NRG1: variants seen among roughly 807,000 people sequenced by gnomAD.
The protein encoded by NRG1 is pro-neuregulin-1, membrane-bound isoform.
NRG1 carries 18 observed loss-of-function variants against 63.8 expected under a neutral mutation model. The observed-to-expected ratio is 0.28, with a 90% confidence interval of 0.19 to 0.42. The LOEUF (loss-of-function observed/expected upper bound fraction) is 0.42. NRG1 is among the 10% of genes least tolerant of loss of function. The pLI, the probability that NRG1 is intolerant of heterozygous loss-of-function variation, is 1.00. For missense variants in NRG1, 762 were observed against 814.7 expected (o/e 0.94, Z 0.79); for synonymous variants, 302 against 301.3 (o/e 1.00, Z -0.02).
intron 1 of NRG1, among the ~76,000 whole-genome samples, chr8:31,758,726 T>C (rs1326177564): frequency 1.3e-5 from 2 of 152,168 alleles, no homozygotes; most frequent in Admixed American, 6.6e-5. Flanking sequence ...GAAGGTGCCA[T>C]GAACATTCAT....
intron 1 of NRG1, among the ~76,000 whole-genome samples, chr8:32,449,142 C>T (rs1040575105): frequency 6.6e-6 from 1 of 151,682 alleles, no homozygotes; most frequent in Non-Finnish European, 1.5e-5. Context: ...AAAAAAAGTA[C>T]AACAATTAGC....
At chr8:32,709,054 C>T (rs945545944) in intron 5 of NRG1, among the ~76,000 whole-genome samples, 9 of 152,182 alleles carry the variant, frequency 5.9e-5, no homozygotes, top group Admixed American at 2.6e-4. Flanking sequence ...TTCACTAAGC[C>T]GAAGATTCCC....
chr8:32,674,236 G>A (rs569245955), intron 5 of NRG1, among the ~76,000 whole-genome samples: 125 of 152,148 alleles, frequency 8.2e-4, no homozygotes, highest in African/African-American at 2.8e-3. Flanking sequence ...TTTATTTTAT[G>A]AAACAAAATT....
chr8:31,776,490 A>G (rs6989841), intron 1 of NRG1, among the ~76,000 whole-genome samples: 151,992 of 152,322 alleles, frequency 1, 75,832 homozygotes, highest in Middle Eastern at 1. Flanking sequence ...CCTCATGCCC[A>G]TGCTCTTGTC....
intron 1 of NRG1, among the ~76,000 whole-genome samples, chr8:32,568,695 C>T (rs1203499306): frequency 6.6e-6 from 1 of 152,058 alleles, no homozygotes; most frequent in East Asian, 1.9e-4. Context: ...CTAATGTTCG[C>T]CAAAGTTTTA....
At chr8:32,584,287 A>G (rs1228579188) in intron 1 of NRG1, among the ~76,000 whole-genome samples, 6 of 152,174 alleles carry the variant, frequency 3.9e-5, no homozygotes, top group Non-Finnish European at 8.8e-5. Flanking sequence ...CAGCAAATTC[A>G]TGTCACTGGG....
At chr8:32,652,900 A>G (rs1171741846) in intron 5 of NRG1, among the ~76,000 whole-genome samples, 1 of 152,116 alleles carries the variant, frequency 6.6e-6, no homozygotes, top group Non-Finnish European at 1.5e-5. Context: ...ATCCTTTTAA[A>G]GTATGAAGGA....
intron 1 of NRG1, among the ~76,000 whole-genome samples, chr8:32,198,971 C>T (rs73248756): frequency 0.056 from 8,437 of 151,896 alleles, 402 homozygotes; most frequent in East Asian, 0.26. Flanking sequence ...TATTATGCTA[C>T]TTGTATTTAG....
intron 1 of NRG1, among the ~76,000 whole-genome samples, chr8:31,737,386 A>G (rs1464368906): frequency 6.6e-6 from 1 of 152,050 alleles, no homozygotes; most frequent in Non-Finnish European, 1.5e-5. Flanking sequence ...ACTTGACTGC[A>G]TCATCTACCT....
intron 1 of NRG1, among the ~76,000 whole-genome samples, chr8:31,846,737 C>T (rs924882625): frequency 1.3e-5 from 2 of 152,080 alleles, no homozygotes; most frequent in Non-Finnish European, 2.9e-5. Context: ...TTTACCTCTC[C>T]TTAAAAGAAA....
At chr8:32,677,626 C>T (rs1352859401) in intron 5 of NRG1, among the ~76,000 whole-genome samples, 1 of 152,004 alleles carries the variant, frequency 6.6e-6, no homozygotes, top group African/African-American at 2.4e-5. Context: ...CACTGCACTC[C>T]AGCCTGGGTG....
chr8:31,911,593 G>T (rs540142013), intron 1 of NRG1, among the ~76,000 whole-genome samples: 110 of 152,234 alleles, frequency 7.2e-4, no homozygotes, highest in African/African-American at 2.4e-3. Context: ...AGATGGAGGA[G>T]GGAGAGAATC....
chr8:32,452,964 A>G (rs993399750), intron 1 of NRG1, among the ~76,000 whole-genome samples: 1 of 152,198 alleles, frequency 6.6e-6, no homozygotes. Context: ...TCTGCATAGA[A>G]TATAAGCTAT....
At position 32,027,005 on chromosome 8, in the gene NRG1, A is replaced by C. The variant is rs180911362; in HGVS notation, c.37+387574A>C. On this transcript the variant is annotated intron_variant, in intron 1 of 10. Coordinates refer to the NRG1 transcript ENST00000519301. The stretch of plus-strand genomic sequence containing the variant: ...CCATTGTTTTTCTAATTTATGTATT[A>C]GTTTCATAAGGCTATTGTTTTGAGT... Among the ~76,000 whole-genome samples, 77 of 152,200 alleles carry C rather than the reference A, an allele frequency of 5.1e-4. No homozygotes were observed. The East Asian group carries it at 0.014, about 28-fold the overall frequency.
At chr8:31,712,999 A>ATCCT (rs1192418669) in intron 1 of NRG1, among the ~76,000 whole-genome samples, 4 of 149,008 alleles carry the variant, frequency 2.7e-5, no homozygotes, top group Admixed American at 1.3e-4. Flanking sequence ...CCATCCATCC[A>ATCCT]TCCATCCATC....
chr8:32,034,450 T>C (rs976124756), intron 1 of NRG1, among the ~76,000 whole-genome samples: 1 of 152,204 alleles, frequency 6.6e-6, no homozygotes, highest in Non-Finnish European at 1.5e-5. Context: ...GGTATCAGGA[T>C]GATGCTGCCC....
intron 6 of NRG1, 190 bp downstream of exon 6, chr8:32,728,268 T>G (rs890586036): frequency 2.0e-6 from 2 of 985,188 alleles, no homozygotes; most frequent in African/African-American, 3.5e-5. Context: ...GCAGAATTGT[T>G]TTTTGCTCTT....
chr8:31,947,270 G>A (rs1169824405), intron 1 of NRG1, among the ~76,000 whole-genome samples: 1 of 146,962 alleles, frequency 6.8e-6, no homozygotes, highest in African/African-American at 2.6e-5. Context: ...ACTGCAGTCC[G>A]CAGTCCGGCC....
chr8:32,472,440 G>C (rs973492420), intron 1 of NRG1, among the ~76,000 whole-genome samples: 1 of 152,228 alleles, frequency 6.6e-6, no homozygotes, highest in African/African-American at 2.4e-5. Flanking sequence ...AAAGTGCTGG[G>C]ATTACAGGTG....
Sources: gnomAD v4.1 joint callset for allele counts (sites outside exome capture counted in the v4.1 genomes callset) on GRCh38, gnomAD v4.1.1 for gene constraint, MANE v1.5 for transcripts, NCBI Gene and HGNC (gene_info 2026-07-23, HGNC 2026-07-21) for gene names.